RBL1: variants seen among roughly 807,000 people sequenced by gnomAD.
RBL1 encodes the protein RB transcriptional corepressor like 1, also known as retinoblastoma-like protein 1.
In RBL1, 82 loss-of-function variants were observed where a neutral mutation model predicts 123.0. The ratio of observed to expected loss-of-function variants is 0.67; its 90% CI spans 0.56 to 0.80. The LOEUF is 0.80. Among genes scored for constraint, RBL1 ranks in the 30% least tolerant of loss-of-function variants. The pLI, the probability that RBL1 is intolerant of heterozygous loss-of-function variation, is 0.00. For missense variants in RBL1, 1,171 were observed against 1,299.6 expected (o/e 0.90, Z 1.52); for synonymous variants, 405 against 441.3 (o/e 0.92, Z 1.03).
chr20:37,073,805 G>A (rs1164123173), intron 2 of RBL1, among the ~76,000 whole-genome samples: 1 of 151,676 alleles, frequency 6.6e-6, no homozygotes, highest in African/African-American at 2.4e-5. Flanking sequence ...GACTGCTTGA[G>A]CTGAGGAATT....
At chr20:37,086,355 G>A (rs963885782) in intron 2 of RBL1, among the ~76,000 whole-genome samples, 2 of 152,026 alleles carry the variant, frequency 1.3e-5, no homozygotes, top group Admixed American at 1.3e-4. Context: ...GGGAGGCCGA[G>A]GCGGGTGGAT....
chr20:37,077,642 T>A (rs766589020), intron 2 of RBL1, among the ~76,000 whole-genome samples: 1 of 152,126 alleles, frequency 6.6e-6, no homozygotes, highest in African/African-American at 2.4e-5. Flanking sequence ...TTAAAATAAA[T>A]TTTTCTCTAT....
chr20:37,031,421 G>T (rs910672911), intron 16 of RBL1, among the ~76,000 whole-genome samples: 3 of 152,072 alleles, frequency 2.0e-5, no homozygotes, highest in Admixed American at 2.0e-4. Context: ...AAGATATATA[G>T]ATGGGCAAAA....
rs1376361939 is a variant in RBL1, at chr20:36,997,510, T to A, written c.*1249A>T. The A allele has an allele frequency of 6.6e-6, 1 of 152,118 alleles. No individual in the cohort carries two copies. Among genetic ancestry groups the A allele is most frequent in the African/African-American group, 2.4e-5 (1 of 41,406 alleles). 9.4% of individuals were successfully genotyped at this position (152,118 alleles called of 1,614,324 possible). On this transcript the variant is annotated 3_prime_UTR_variant, in exon 22 of 22. Coordinates refer to ENST00000373664, the MANE Select transcript of RBL1 (RefSeq NM_002895.5). ...ACTGATGTATTAAATATATTAGAAT[T>A]ATGAGGCATGAGATGATATTTATGT...
chr20:37,058,108 CTCTG>C (rs1360277798), intron 9 of RBL1, among the ~76,000 whole-genome samples: 2 of 130,636 alleles, frequency 1.5e-5, no homozygotes, highest in African/African-American at 5.3e-5. Flanking sequence ...AAGGGCGAAA[CTCTG>C]TCTAAAAAAA....
intron 11 of RBL1, among the ~76,000 whole-genome samples, chr20:37,050,244 T>C (rs1239540556): frequency 6.6e-6 from 1 of 151,754 alleles, no homozygotes; most frequent in East Asian, 1.9e-4. Flanking sequence ...TGAGTAAATA[T>C]CTTTAAAAGT....
intron 16 of RBL1, among the ~76,000 whole-genome samples, chr20:37,032,382 C>T (rs1023972869): frequency 5.3e-5 from 8 of 151,948 alleles, no homozygotes; most frequent in Non-Finnish European, 1.0e-4. Context: ...TTCACAGAAA[C>T]AGAAAGTAGA....
chr20:37,058,743 C>T (rs1443718710), intron 9 of RBL1, among the ~76,000 whole-genome samples: 1 of 151,718 alleles, frequency 6.6e-6, no homozygotes, highest in East Asian at 1.9e-4. Flanking sequence ...GTCTTCCAGT[C>T]CACAAACACA....
intron 19 of RBL1, among the ~76,000 whole-genome samples, chr20:37,017,251 C>A (rs1203351151): frequency 6.6e-6 from 1 of 151,728 alleles, no homozygotes; most frequent in Non-Finnish European, 1.5e-5. Flanking sequence ...TGCATGCCTG[C>A]AGTTCCAGCT....
At chr20:37,043,380 C>T (rs1355350139) in intron 13 of RBL1, among the ~76,000 whole-genome samples, 1 of 151,368 alleles carries the variant, frequency 6.6e-6, no homozygotes, top group African/African-American at 2.4e-5. Flanking sequence ...ATAATCCCAG[C>T]TACACGGGAG....
In RBL1 at chr20:37,009,182, G is replaced by A. The variant is rs761491466; in HGVS notation, c.2723-1623C>T. On this transcript the variant is annotated intron_variant, in intron 19 of 21. Transcript: ENST00000373664. ...TGGGATTACAGAAGCATGCCACCAC[G>A]TCTGGCTAATTTTTGTATTTTCAGT... is the stretch of plus-strand genomic sequence containing the variant. Among the ~76,000 whole-genome samples the A allele has an allele frequency of 2.9e-4, 44 of 152,082 alleles. 1 individual carries two copies. The highest frequency in any genetic ancestry group is 2.5e-4 in the Non-Finnish European group (17 of 68,018).
intron 15 of RBL1, among the ~76,000 whole-genome samples, 190 bp downstream of exon 15, chr20:37,035,052 T>G (rs574211792): frequency 1.3e-5 from 2 of 152,008 alleles, no homozygotes; most frequent in Non-Finnish European, 2.9e-5. Context: ...CTATGAGAAA[T>G]GTCTGTACCT....
At chr20:37,048,710 G>T (rs1267911804) in intron 11 of RBL1, among the ~76,000 whole-genome samples, 1 of 151,898 alleles carries the variant, frequency 6.6e-6, no homozygotes, top group East Asian at 1.9e-4. Context: ...AAATTTAAGT[G>T]GACCACTAAG....
rs952924829 is a variant in RBL1, at chr20:36,996,791, A to C, written c.*1968T>G. On this transcript the variant is annotated 3_prime_UTR_variant, in exon 22 of 22. Transcript: ENST00000373664. ...AATGCTCATTTATATTTTGCACAAT[A>C]ATGAAGATAAAAATAACAATTATAG... 2.0e-5 allele frequency: 3 copies of C among 152,210 alleles called. No homozygotes were observed. The highest frequency in any genetic ancestry group is 4.4e-5 in the Non-Finnish European group (3 of 68,044). 9.4% of individuals were successfully genotyped at this position (152,210 alleles called of 1,614,324 possible).
At chr20:37,023,379 T>C (rs2064373275) in intron 16 of RBL1, among the ~76,000 whole-genome samples, 1 of 152,170 alleles carries the variant, frequency 6.6e-6, no homozygotes. Context: ...CACTGCAGCC[T>C]CCCAAAGTAC....
intron 16 of RBL1, among the ~76,000 whole-genome samples, chr20:37,027,202 G>T (rs1424302438): frequency 6.6e-6 from 1 of 151,182 alleles, no homozygotes; most frequent in African/African-American, 2.4e-5. Flanking sequence ...AAAAAATTTA[G>T]CTGGGTGGGG....
At chr20:37,044,443 T>C (rs1322830625) in intron 12 of RBL1, among the ~76,000 whole-genome samples, 193 bp from the exon 13 acceptor site, 1 of 152,148 alleles carries the variant, frequency 6.6e-6, no homozygotes, top group Non-Finnish European at 1.5e-5. Context: ...GTTCAAGTGA[T>C]TCTCCTGCCT....
At position 37,022,707 on chromosome 20, in the gene RBL1, T is replaced by C. The variant is rs775028069; in HGVS notation, c.2502A>G (p.Leu834=). ...GCTGATCCAAATGCCTGTCTTTCAT[T>C]AGATCAGGACAGTGAACTAAAGTGA... The part of the protein sequence containing the change: ...FEFTLVHCPD[L]MKDRHLDQLL... Residue 834 remains leucine, a synonymous_variant, in exon 17 of 22, where the codon CTA becomes CTG. Coordinates refer to ENST00000373664, the MANE Select transcript of RBL1 (RefSeq NM_002895.5). 1.3e-5 allele frequency: 21 copies of C among 1,613,208 alleles called. No homozygotes were observed. In the East Asian group the frequency reaches 4.2e-4, roughly 33 times the overall value.
In RBL1 at chr20:37,057,710, C is replaced by T. The variant is rs143831995; in HGVS notation, c.1251-1452G>A. On this transcript the variant is annotated intron_variant, in intron 9 of 21. Coordinates refer to ENST00000373664, the MANE Select transcript of RBL1 (RefSeq NM_002895.5). Reference sequence around the variant, plus strand: ...ATGTTAAAGCTTTTAGGTTTGACACCGGGCATGGTGGCTCACATCTATATT... The same window carrying T: ...ATGTTAAAGCTTTTAGGTTTGACACTGGGCATGGTGGCTCACATCTATATT... Among the ~76,000 whole-genome samples, 419 of 152,068 alleles carry T rather than the reference C, an allele frequency of 2.8e-3. 2 individuals carry two copies. Among genetic ancestry groups the T allele is most frequent in the African/African-American group, 9.5e-3 (393 of 41,460 alleles).
Sources: allele counts gnomAD v4.1 joint callset (sites outside exome capture counted in the v4.1 genomes callset), GRCh38; gene constraint gnomAD v4.1.1; transcripts MANE v1.5; gene names NCBI Gene and HGNC (gene_info 2026-07-23, HGNC 2026-07-21).